DYNC1I1: variants seen among roughly 807,000 people sequenced by gnomAD.
The protein encoded by DYNC1I1 is dynein cytoplasmic 1 intermediate chain 1.
In DYNC1I1, 43 loss-of-function variants were observed where a neutral mutation model predicts 86.6. The observed-to-expected ratio is 0.50, with a 90% CI of 0.39 to 0.64. DYNC1I1 has a LOEUF of 0.64. Ranked by LOEUF, DYNC1I1 falls within the 30% of genes least tolerant of loss-of-function variation. DYNC1I1 has a pLI of 0.00. For synonymous variants in DYNC1I1, 262 were observed against 283.7 expected (o/e 0.92, Z 0.77); for missense variants, 604 against 788.8 (o/e 0.77, Z 2.81).
At chr7:95,819,675 T>A (rs1236592560) in intron 4 of DYNC1I1, among the ~76,000 whole-genome samples, 1 of 152,170 alleles carries the variant, frequency 6.6e-6, no homozygotes. Context: ...TTTTAAAGTA[T>A]CATTATATAA....
chr7:95,953,416 AAGAG>A lies in DYNC1I1; in HGVS notation c.491-24084_491-24081del, dbSNP rs143999518. 4.7e-4 allele frequency among the ~76,000 whole-genome samples: 71 copies of A among 151,748 alleles called. No individual in the cohort carries two copies. The East Asian group carries it at 0.012, about 26-fold the overall frequency. On this transcript the variant is annotated intron_variant, in intron 6 of 16. Transcript: ENST00000447467. ...CAAGAGAGAGAGAAGGAAAGAAAGA[AAGAG>A]AGAGAGAGAGAAAGAAAATGAAACG...
At chr7:96,077,276 T>TGTGTGTGTGTGG (rs1554443206) in intron 15 of DYNC1I1, among the ~76,000 whole-genome samples, 2 of 137,262 alleles carry the variant, frequency 1.5e-5, no homozygotes, top group African/African-American at 5.5e-5. Flanking sequence ...TGTGTGTGTG[T>TGTGTGTGTGTGG]GGGAGGGGGC....
At chr7:96,002,828 G>GT (rs1794045748) in intron 10 of DYNC1I1, among the ~76,000 whole-genome samples, 1 of 151,094 alleles carries the variant, frequency 6.6e-6, no homozygotes, top group African/African-American at 2.4e-5. Flanking sequence ...TTTTTTTTTG[G>GT]GTTTTTTTTG....
At chr7:95,938,734 G>T (rs1384265568) in intron 6 of DYNC1I1, among the ~76,000 whole-genome samples, 2 of 152,132 alleles carry the variant, frequency 1.3e-5, no homozygotes, top group African/African-American at 4.8e-5. Context: ...ATTATTAAGT[G>T]CTAATGGTGG....
At chr7:95,820,601 G>T (rs1483563666) in intron 4 of DYNC1I1, among the ~76,000 whole-genome samples, 1 of 152,194 alleles carries the variant, frequency 6.6e-6, no homozygotes, top group Non-Finnish European at 1.5e-5. Flanking sequence ...CTCCATCTTA[G>T]AGAGAAAAGG....
intron 6 of DYNC1I1, among the ~76,000 whole-genome samples, chr7:95,932,676 G>T (rs1342473530): frequency 6.6e-6 from 1 of 152,054 alleles, no homozygotes; most frequent in Non-Finnish European, 1.5e-5. Flanking sequence ...TTTAGATGAG[G>T]ACACCAAGCC....
At chr7:96,103,176 A>G (rs1791162147), downstream of DYNC1I1, among the ~76,000 whole-genome samples, 1 of 152,044 alleles carries the variant, frequency 6.6e-6, no homozygotes, top group Admixed American at 6.6e-5. Context: ...AAGAAGAGGA[A>G]AACGTTAGAG....
At chr7:96,048,738 GA>G (rs747718316) in intron 14 of DYNC1I1, among the ~76,000 whole-genome samples, 28 of 152,272 alleles carry the variant, frequency 1.8e-4, no homozygotes, top group Non-Finnish European at 4.0e-4. Context: ...ACAGGAGAAT[GA>G]AAACTATTGT....
chr7:95,996,170 A>T, intron 10 of DYNC1I1, 97 bp downstream of exon 10: 2 of 1,546,554 alleles, frequency 1.3e-6, no homozygotes, highest in Non-Finnish European at 1.7e-6. Flanking sequence ...GGAAGAACTC[A>T]GTTTAAAAAT....
chr7:95,864,095 T>C (rs1023405396), intron 5 of DYNC1I1, among the ~76,000 whole-genome samples: 4 of 152,244 alleles, frequency 2.6e-5, no homozygotes, highest in African/African-American at 9.6e-5. Flanking sequence ...GTAGCTATCG[T>C]AGATCATCCT....
intron 7 of DYNC1I1, among the ~76,000 whole-genome samples, chr7:95,980,678 G>T (rs1347941945): frequency 6.6e-6 from 1 of 150,490 alleles, no homozygotes; most frequent in Non-Finnish European, 1.5e-5. Flanking sequence ...CTAAAGAAAT[G>T]CAGTCTTGAT....
chr7:96,046,609 G>C (rs1033982736), intron 14 of DYNC1I1, among the ~76,000 whole-genome samples: 2 of 152,168 alleles, frequency 1.3e-5, no homozygotes, highest in Non-Finnish European at 2.9e-5. Flanking sequence ...CCACACCATC[G>C]TGTTAAGCCT....
chr7:95,883,349 G>T (rs1447048836), intron 6 of DYNC1I1, among the ~76,000 whole-genome samples: 1 of 152,126 alleles, frequency 6.6e-6, no homozygotes, highest in Non-Finnish European at 1.5e-5. Flanking sequence ...CAAATCTACT[G>T]AGAGACACAG....
intron 5 of DYNC1I1, among the ~76,000 whole-genome samples, chr7:95,869,069 G>A (rs1197100490): frequency 1.3e-5 from 2 of 152,094 alleles, no homozygotes; most frequent in Non-Finnish European, 2.9e-5. Flanking sequence ...TACAATTTAC[G>A]AGTTGTATAT....
chr7:95,984,740 G>C, intron 7 of DYNC1I1, 75 bp from the exon 8 acceptor site: 1 of 1,427,918 alleles, frequency 7.0e-7, no homozygotes, highest in South Asian at 1.4e-5. Flanking sequence ...CAAGAATTGG[G>C]TTCCTCTTGA....
At chr7:96,083,706 G>A (rs1248137613) in intron 16 of DYNC1I1, among the ~76,000 whole-genome samples, 2 of 152,118 alleles carry the variant, frequency 1.3e-5, no homozygotes, top group Non-Finnish European at 1.5e-5. Context: ...AAGGGTCGTC[G>A]AGCAAAGAGC....
chr7:95,926,645 C>A (rs907395454), intron 6 of DYNC1I1, among the ~76,000 whole-genome samples: 5 of 152,056 alleles, frequency 3.3e-5, no homozygotes, highest in African/African-American at 1.2e-4. Context: ...TTAAAATTTT[C>A]CTCATCTCTC....
intron 6 of DYNC1I1, among the ~76,000 whole-genome samples, chr7:95,892,356 C>T (rs575712906): frequency 1.3e-5 from 2 of 151,998 alleles, no homozygotes; most frequent in Non-Finnish European, 2.9e-5. Flanking sequence ...GTCGCCCAGG[C>T]GGGAGTGCAG....
intron 6 of DYNC1I1, among the ~76,000 whole-genome samples, chr7:95,905,270 A>G (rs1791145069): frequency 6.6e-6 from 1 of 152,160 alleles, no homozygotes; most frequent in South Asian, 2.1e-4. Flanking sequence ...TTCAGAGTGG[A>G]TGAAGTAAAG....
Sources: gnomAD v4.1 joint callset for allele counts (sites outside exome capture counted in the v4.1 genomes callset) on GRCh38, gnomAD v4.1.1 for gene constraint, MANE v1.5 for transcripts, NCBI Gene and HGNC (gene_info 2026-07-23, HGNC 2026-07-21) for gene names.